The following RHCE variants were observed in gnomAD, a reference collection of about 807,000 sequenced individuals.
The protein encoded by RHCE is Rh blood group CcEe antigens.
RHCE carries 22 observed loss-of-function variants against 43.8 expected under a neutral mutation model. The ratio of observed to expected loss-of-function variants is 0.50; its 90% CI spans 0.36 to 0.72. The LOEUF is 0.72. RHCE is among the 30% of genes least tolerant of loss of function. The probability of loss-of-function intolerance (pLI) is 0.00; values close to 1 mark genes in which losing one functional copy is unlikely to be tolerated. For missense variants in RHCE, 385 were observed against 525.4 expected (o/e 0.73, Z 2.61); for synonymous variants, 156 against 210.7 (o/e 0.74, Z 2.25).
chr1:25,422,586 ACTGAGG>A, upstream of RHCE, among the ~76,000 whole-genome samples: 1 of 152,324 alleles, frequency 6.6e-6, no homozygotes, highest in South Asian at 2.1e-4. Flanking sequence ...AAATGAGTAA[ACTGAGG>A]CACAGAAAAA....
At chr1:25,414,854 A>C (rs1172397354) in intron 1 of RHCE, among the ~76,000 whole-genome samples, 2 of 152,154 alleles carry the variant, frequency 1.3e-5, no homozygotes, top group Non-Finnish European at 2.9e-5. Flanking sequence ...TAACAGAAGA[A>C]CTGCCCAGCT....
upstream of RHCE, among the ~76,000 whole-genome samples, chr1:25,424,710 A>G (rs1291666144): frequency 4.6e-5 from 7 of 151,962 alleles, no homozygotes; most frequent in Non-Finnish European, 7.4e-5. Context: ...ATTTAAAAGG[A>G]CAGCATCAAC....
chr1:25,416,415 C>G (rs914740510), intron 1 of RHCE, among the ~76,000 whole-genome samples: 2 of 152,032 alleles, frequency 1.3e-5, no homozygotes, highest in African/African-American at 2.4e-5. Flanking sequence ...AGGCACCCGC[C>G]ACCATACCCA....
At chr1:25,423,871 A>G (rs563993699), upstream of RHCE, among the ~76,000 whole-genome samples, 7 of 152,334 alleles carry the variant, frequency 4.6e-5, no homozygotes, top group Admixed American at 1.3e-4. Context: ...TCATAATAAA[A>G]TGCTGGGAAA....
chr1:25,394,335 G>C (rs182851446), intron 3 of RHCE, among the ~76,000 whole-genome samples: 26 of 151,970 alleles, frequency 1.7e-4, no homozygotes, highest in South Asian at 4.2e-4. Context: ...AACAGCATGG[G>C]TGGTAAATAG....
At position 25,402,677 on chromosome 1, in the gene RHCE, G is replaced by A; in HGVS notation, c.405C>T (p.Asn135=). 11 of 1,614,078 alleles carry A rather than the reference G, an allele frequency of 6.8e-6. No homozygotes were observed. Among genetic ancestry groups the A allele is most frequent in the Non-Finnish European group, 9.3e-6 (11 of 1,180,032 alleles). ...ISAGAVLGKV[N]LAQLVVMVLV... is the part of the protein sequence containing the mutation. ...GCACCATCACCACCAACTGCGCCAA[G>A]TTGACCTTCCCCAAGACAGCACCCG... Residue 135 remains asparagine (N), a synonymous_variant, in exon 3 of 10, where the codon AAC becomes AAT. Transcript: ENST00000294413.
chr1:25,385,841 A>C lies in RHCE; in HGVS notation c.943T>G (p.Cys315Gly). The C allele has an allele frequency of 6.2e-7, 1 of 1,614,058 alleles. No homozygotes were observed. Among genetic ancestry groups the C allele is most frequent in the African/African-American group, 1.3e-5 (1 of 74,984 alleles). ...TGAATCCCCAGCACTCGGTTACAAC[A>C]CACCTGTGGACAAGTGTTATTATAA... The part of the protein sequence containing the change: ...SIGGAKCLPV[C>G]CNRVLGIHHI... Residue 315 changes from cysteine (C) to glycine (G), a missense_variant, in exon 7 of 10, where the codon TGT becomes GGT. Cys to Gly is a radical substitution (Grantham distance 159). Coordinates refer to ENST00000294413, the MANE Select transcript of RHCE (RefSeq NM_020485.8).
chr1:25,400,875 C>T (rs1172190325), intron 3 of RHCE, among the ~76,000 whole-genome samples: 1 of 152,144 alleles, frequency 6.6e-6, no homozygotes, highest in East Asian at 1.9e-4. Flanking sequence ...TCCCACCCCA[C>T]GTGCAGTCTA....
chr1:25,378,492 C>G (rs1001899030), intron 7 of RHCE, among the ~76,000 whole-genome samples: 1 of 152,212 alleles, frequency 6.6e-6, no homozygotes, highest in Non-Finnish European at 1.5e-5. Context: ...ACTATCTTTT[C>G]TTAGATTCTC....
At chr1:25,389,134 G>A in intron 5 of RHCE, 21 bp from the exon 6 acceptor site, 1 of 1,612,730 alleles carries the variant, frequency 6.2e-7, no homozygotes, top group Non-Finnish European at 8.5e-7. Context: ...ATAGCGTGTG[G>A]GTAAAGGAAG....
At chr1:25,389,834 C>T (rs28692895) in intron 5 of RHCE, among the ~76,000 whole-genome samples, 10,084 of 152,122 alleles carry the variant, frequency 0.066, 1,042 homozygotes, top group African/African-American at 0.22. Context: ...ACTCCAGAAC[C>T]GGAGCCTTGC....
chr1:25,402,737 C>T lies in RHCE; in HGVS notation c.345G>A (p.Leu115=). The change falls in exon 3 of 10, where the codon CTG becomes CTA. Residue 115 remains leucine (L), a synonymous_variant. Coordinates refer to ENST00000294413, the MANE Select transcript of RHCE (RefSeq NM_020485.8). ...KVVITLFSIR[L]ATMSAMSVLI... Reference sequence around the variant, plus strand: ...GCACCGACATAGCACTCATGGTGGCCAGCCGAATACTGGGGGTGAGAAGGA... The same window carrying T: ...GCACCGACATAGCACTCATGGTGGCTAGCCGAATACTGGGGGTGAGAAGGA... 1.9e-6 allele frequency: 3 copies of T among 1,614,162 alleles called. No individual in the cohort carries two copies. Among genetic ancestry groups the T allele is most frequent in the Non-Finnish European group, 2.5e-6 (3 of 1,180,032 alleles).
At chr1:25,429,221 G>T (rs866806917) in intron 1 of RHCE, among the ~76,000 whole-genome samples, 41 of 112,358 alleles carry the variant, frequency 3.6e-4, no homozygotes, top group South Asian at 1.1e-3. Context: ...TTCCTGGGAA[G>T]TTTTTTTTTT....
intron 6 of RHCE, 130 bp downstream of exon 6, chr1:25,388,846 C>T (rs1215332969): frequency 6.8e-6 from 10 of 1,464,578 alleles, no homozygotes; most frequent in South Asian, 1.2e-5. Flanking sequence ...CCTCGCTAGG[C>T]GTTGAAGCCA....
upstream of RHCE, among the ~76,000 whole-genome samples, chr1:25,421,838 C>T (rs605056): frequency 2.5e-3 from 377 of 149,896 alleles, no homozygotes; most frequent in African/African-American, 8.9e-3. Flanking sequence ...TCTACAATGG[C>T]CCCAGCCACT....
At chr1:25,379,875 A>C (rs900223938) in intron 7 of RHCE, among the ~76,000 whole-genome samples, 6 of 152,058 alleles carry the variant, frequency 3.9e-5, no homozygotes, top group African/African-American at 1.4e-4. Context: ...GACAGGTCTC[A>C]CTATGTTGCC....
chr1:25,370,361 T>C, intron 9 of RHCE, 106 bp downstream of exon 9: 1 of 912,750 alleles, frequency 1.1e-6, no homozygotes, highest in Non-Finnish European at 1.8e-6. Flanking sequence ...CTTACTCCAT[T>C]TTTGTTTTTG....
intron 9 of RHCE, among the ~76,000 whole-genome samples, chr1:25,370,029 G>A (rs1328954351): frequency 2.6e-5 from 4 of 151,492 alleles, no homozygotes; most frequent in Admixed American, 1.3e-4. Context: ...GTCAGCCACC[G>A]TGCCCAGCCA....
chr1:25,426,851 G>A (rs2042808277), intron 2 of RHCE, among the ~76,000 whole-genome samples: 1 of 152,234 alleles, frequency 6.6e-6, no homozygotes. Context: ...AAGGTCAGGA[G>A]TTTGAGACCA....
Sources: allele counts gnomAD v4.1 joint callset (sites outside exome capture counted in the v4.1 genomes callset), GRCh38; gene constraint gnomAD v4.1.1; transcripts MANE v1.5; gene names NCBI Gene and HGNC (gene_info 2026-07-23, HGNC 2026-07-21).